The following LMF1 variants were observed in gnomAD, a reference collection of about 807,000 sequenced individuals.
LMF1 encodes the protein transmembrane protein 112.
In LMF1, 68 loss-of-function variants were observed where a neutral mutation model predicts 60.6. The ratio of observed to expected loss-of-function variants is 1.12; its 90% CI spans 0.92 to 1.37. LMF1 has a LOEUF of 1.37. Ranked by LOEUF, LMF1 falls within the 40% of genes most tolerant of loss-of-function variation. LMF1 has a pLI of 0.00. For synonymous variants in LMF1, 418 were observed against 324.7 expected (o/e 1.29, Z -3.09); for missense variants, 948 against 767.2 (o/e 1.24, Z -2.78).
At chr16:887,674 C>A (rs1457819099) in intron 5 of LMF1, among the ~76,000 whole-genome samples, 1 of 152,178 alleles carries the variant, frequency 6.6e-6, no homozygotes, top group African/African-American at 2.4e-5. Flanking sequence ...AGAGTGCGCG[C>A]TCCTAGCATG....
At chr16:927,097 G>C (rs1286688325) in intron 3 of LMF1, among the ~76,000 whole-genome samples, 1 of 152,216 alleles carries the variant, frequency 6.6e-6, no homozygotes, top group Non-Finnish European at 1.5e-5. Flanking sequence ...CCGAGTCTGA[G>C]GGCAGCCTCT....
rs1399395586 is a variant in LMF1, at chr16:954,328, G to A, written c.503+29C>T. On this transcript the variant is annotated intron_variant, in intron 2 of 10. Coordinates refer to ENST00000262301, the MANE Select transcript of LMF1 (RefSeq NM_022773.4). Reference sequence around the variant, plus strand: ...TGTGCTGAGTGACAGCAAGCCCTAAGCTCCGACCGCCCCATTCCTGCTACT... The same window carrying A: ...TGTGCTGAGTGACAGCAAGCCCTAAACTCCGACCGCCCCATTCCTGCTACT... 6 of 1,602,264 alleles carry A rather than the reference G, an allele frequency of 3.7e-6. No individual in the cohort carries two copies. In the African/African-American group the frequency reaches 5.4e-5, roughly 14 times the overall value.
chr16:953,198 C>T (rs1424946313), intron 2 of LMF1, among the ~76,000 whole-genome samples: 6 of 120,428 alleles, frequency 5.0e-5, no homozygotes, highest in Non-Finnish European at 1.1e-4. Context: ...CAGCCTCCTA[C>T]ATGTCCACAC....
chr16:945,071 C>T (rs2072203248), intron 2 of LMF1, among the ~76,000 whole-genome samples: 1 of 151,610 alleles, frequency 6.6e-6, no homozygotes, highest in South Asian at 2.1e-4. Context: ...ATTGGCCAGG[C>T]GTGGTGGCAG....
chr16:918,524 A>G (rs914904480), intron 3 of LMF1, among the ~76,000 whole-genome samples: 1 of 152,210 alleles, frequency 6.6e-6, no homozygotes, highest in African/African-American at 2.4e-5. Context: ...ACACCTGACC[A>G]TTTCTTTGTC....
rs1306021055 is a variant in LMF1, at chr16:949,306, GACA to G, written c.503+5048_503+5050del. Among the ~76,000 whole-genome samples the G allele has an allele frequency of 1.2e-3, 126 of 109,252 alleles. 2 individuals are homozygous for G. The highest frequency in any genetic ancestry group is 4.8e-3 in the African/African-American group (121 of 25,006). 71.7% of individuals were successfully genotyped at this position (109,252 alleles called of 152,430 possible). A position where few individuals can be genotyped will look rare whatever the true frequency, so the allele number is the denominator to read the frequency against. On this transcript the variant is annotated intron_variant, in intron 2 of 10. Coordinates refer to ENST00000262301, the MANE Select transcript of LMF1 (RefSeq NM_022773.4). ...AGAGTCAGCCAATGACAGAGTCAGA[GACA>G]ACGACAGAGTCAGCCAACGACAGAG... is the stretch of plus-strand genomic sequence containing the variant.
chr16:938,724 T>C (rs569321355), intron 2 of LMF1, among the ~76,000 whole-genome samples: 1 of 152,152 alleles, frequency 6.6e-6, no homozygotes, highest in East Asian at 1.9e-4. Context: ...CACGGACAGA[T>C]GGATGGATGG....
chr16:923,929 A>G (rs1567247922), intron 3 of LMF1, among the ~76,000 whole-genome samples: 2 of 152,246 alleles, frequency 1.3e-5, no homozygotes, highest in African/African-American at 4.8e-5. Flanking sequence ...TTGTGCTGGT[A>G]AAGTTGGAAC....
intron 10 of LMF1, chr16:855,846 G>A: frequency 2.2e-6 from 1 of 456,066 alleles, no homozygotes; most frequent in Non-Finnish European, 4.4e-6. Flanking sequence ...GCACACAGCT[G>A]TGCTCTGGGG....
At chr16:978,801 C>T (rs1009905610) in intron 1 of LMF1, among the ~76,000 whole-genome samples, 1 of 152,056 alleles carries the variant, frequency 6.6e-6, no homozygotes, top group African/African-American at 2.4e-5. Flanking sequence ...GACATGGGCC[C>T]ATCAGGTGGA....
intron 3 of LMF1, chr16:931,908 C>A: frequency 2.3e-6 from 2 of 852,234 alleles, no homozygotes; most frequent in South Asian, 1.6e-5. Context: ...CACCTGCTAC[C>A]GAAGAATCAG....
At chr16:940,492 A>G (rs750451366) in intron 2 of LMF1, among the ~76,000 whole-genome samples, 1 of 152,226 alleles carries the variant, frequency 6.6e-6, no homozygotes, top group Non-Finnish European at 1.5e-5. Context: ...CACAGGAAAC[A>G]GCTGGGAAAC....
At chr16:869,759 C>A (rs1324547639) in intron 9 of LMF1, 124 bp downstream of exon 9, 50 of 1,006,660 alleles carry the variant, frequency 5.0e-5, no homozygotes, top group Non-Finnish European at 7.1e-5. Context: ...CAGGCAGGAT[C>A]CCATCTCTCC....
At chr16:854,984 G>A (rs905879662) in intron 10 of LMF1, 13 of 539,424 alleles carry the variant, frequency 2.4e-5, no homozygotes, top group Admixed American at 6.2e-5. Context: ...ACTTGGCAGA[G>A]GGACCGGCCC....
chr16:910,484 C>T lies in LMF1; in HGVS notation c.663+447G>A, dbSNP rs538730691. ...GCCGCGCTTTCCCTGAGCGTCAGGA[C>T]GGCGGGTCTCATACCTCCCTCACCC... On this transcript the variant is annotated intron_variant, in intron 4 of 10. Transcript: ENST00000262301. Among the ~76,000 whole-genome samples, 27 of 152,344 alleles carry T rather than the reference C, an allele frequency of 1.8e-4. No individual in the cohort carries two copies. The East Asian group carries it at 5.2e-3, about 29-fold the overall frequency.
chr16:884,323 C>G (rs2070247116), intron 5 of LMF1, among the ~76,000 whole-genome samples: 1 of 152,200 alleles, frequency 6.6e-6, no homozygotes, highest in East Asian at 1.9e-4. Context: ...TGATAAAAAT[C>G]TTACATGCAA....
chr16:896,493 G>A (rs1284104089), intron 4 of LMF1, among the ~76,000 whole-genome samples: 2 of 152,210 alleles, frequency 1.3e-5, no homozygotes, highest in African/African-American at 4.8e-5. Flanking sequence ...TGGAGGCTGG[G>A]TTTGCTCAGA....
intron 3 of LMF1, among the ~76,000 whole-genome samples, chr16:921,745 A>G (rs1489587552): frequency 6.6e-6 from 1 of 152,156 alleles, no homozygotes; most frequent in African/African-American, 2.4e-5. Context: ...GGGACGGGGG[A>G]CACGGGCGAG....
At chr16:964,080 A>ACCTT (rs2072872832) in intron 1 of LMF1, 2 of 455,910 alleles carry the variant, frequency 4.4e-6, no homozygotes, top group Non-Finnish European at 8.8e-6. Flanking sequence ...CCGAGGAAAT[A>ACCTT]CCGTGTCGCC....
Sources: gnomAD v4.1 joint callset for allele counts (sites outside exome capture counted in the v4.1 genomes callset) on GRCh38, gnomAD v4.1.1 for gene constraint, MANE v1.5 for transcripts, NCBI Gene and HGNC (gene_info 2026-07-23, HGNC 2026-07-21) for gene names.